PLIN3: variants seen among roughly 807,000 people sequenced by gnomAD.
The protein encoded by PLIN3 is perilipin-3.
PLIN3 carries 30 observed loss-of-function variants against 35.9 expected under a neutral mutation model. That is an observed-to-expected ratio of 0.84 (90% CI 0.62 to 1.13). The LOEUF (loss-of-function observed/expected upper bound fraction) is 1.13. Among genes scored for constraint, PLIN3 ranks in the 50% most tolerant of loss-of-function variants. The probability of loss-of-function intolerance (pLI) is 0.00; values close to 1 mark genes in which losing one functional copy is unlikely to be tolerated. For missense variants in PLIN3, 603 were observed against 596.9 expected, an observed-to-expected ratio of 1.01 and a Z score of -0.11; for synonymous variants, 261 against 262.5, an observed-to-expected ratio of 0.99 and a Z score of 0.06.
chr19:4,847,042 A>T (rs932611522), intron 6 of PLIN3, among the ~76,000 whole-genome samples: 1 of 151,836 alleles, frequency 6.6e-6, no homozygotes, highest in African/African-American at 2.4e-5. Context: ...GGTGCCTGCC[A>T]TTGTACCTGG....
intron 7 of PLIN3, among the ~76,000 whole-genome samples, chr19:4,843,117 G>A (rs2029955258): frequency 6.6e-6 from 1 of 152,056 alleles, no homozygotes. Flanking sequence ...ATCTACTGGG[G>A]AGGTGGAGAC....
chr19:4,841,621 C>T (rs2029893482), intron 7 of PLIN3, among the ~76,000 whole-genome samples: 1 of 142,804 alleles, frequency 7.0e-6, no homozygotes, highest in Non-Finnish European at 1.5e-5. Context: ...AAAAAAAAGG[C>T]TGGGTGCGGT....
chr19:4,845,490 G>C (rs1229134771), intron 6 of PLIN3, among the ~76,000 whole-genome samples: 5 of 152,104 alleles, frequency 3.3e-5, no homozygotes, highest in African/African-American at 1.2e-4. Context: ...GCCTTCCAAA[G>C]GAACGAAGCA....
intron 2 of PLIN3, among the ~76,000 whole-genome samples, chr19:4,860,603 T>C (rs1250134043): frequency 6.6e-6 from 1 of 152,156 alleles, no homozygotes; most frequent in Non-Finnish European, 1.5e-5. Context: ...CTCATGGCAG[T>C]TAGGGTCTAA....
chr19:4,851,969 A>C, intron 5 of PLIN3, 47 bp downstream of exon 5: 1 of 1,578,208 alleles, frequency 6.3e-7, no homozygotes, highest in Non-Finnish European at 8.6e-7. Context: ...GCTTCCGGTC[A>C]GGGGGCCTGG....
Position 4,860,038 on chromosome 19 carries a change from G to A in PLIN3, c.67-14C>T, listed in dbSNP as rs377019996. On this transcript the variant is annotated splice_polypyrimidine_tract_variant and intron_variant, in intron 2 of 7. Coordinates refer to ENST00000221957, the MANE Select transcript of PLIN3 (RefSeq NM_005817.5). ...CACCACACTGGGCTACAGGAGAGAA[G>A]TGGCTCAGGCAAACTGGGTGGGGGA... is the stretch of plus-strand genomic sequence containing the variant. 1 of 1,613,442 alleles carries A rather than the reference G, an allele frequency of 6.2e-7. No individual in the cohort carries two copies. The highest frequency in any genetic ancestry group is 1.3e-5 in the African/African-American group (1 of 74,914).
chr19:4,864,641 T>C (rs1234914219), intron 1 of PLIN3, among the ~76,000 whole-genome samples: 1 of 151,754 alleles, frequency 6.6e-6, no homozygotes, highest in Non-Finnish European at 1.5e-5. Flanking sequence ...TTTTAAAAAG[T>C]GAGATAACAT....
At chr19:4,861,545 A>C (rs553677178) in intron 1 of PLIN3, 134 bp from the exon 2 acceptor site, 221 of 625,772 alleles carry the variant, frequency 3.5e-4, no homozygotes, top group Admixed American at 6.3e-4. Context: ...AGTCCTTAGC[A>C]GGCACAAGAG....
intron 5 of PLIN3, among the ~76,000 whole-genome samples, chr19:4,848,136 A>G (rs777637268): frequency 6.6e-6 from 1 of 152,114 alleles, no homozygotes; most frequent in African/African-American, 2.4e-5. Flanking sequence ...GGCGCCCGCC[A>G]CCATGCCCAG....
chr19:4,844,924 G>C, intron 6 of PLIN3, 131 bp from the exon 7 acceptor site: 2 of 1,084,318 alleles, frequency 1.8e-6, no homozygotes, highest in Non-Finnish European at 2.6e-6. Flanking sequence ...GAGGGAGGGA[G>C]GAAGGGTTTC....
intron 6 of PLIN3, among the ~76,000 whole-genome samples, chr19:4,845,768 CA>C (rs2036039863): frequency 1.5e-5 from 2 of 136,738 alleles, no homozygotes; most frequent in African/African-American, 2.7e-5. Context: ...ACTAAAAATA[CA>C]AAAAATTAGC....
intron 1 of PLIN3, among the ~76,000 whole-genome samples, chr19:4,862,524 G>A (rs1037272305): frequency 2.0e-5 from 3 of 152,036 alleles, no homozygotes; most frequent in Non-Finnish European, 4.4e-5. Flanking sequence ...GGGATTACAG[G>A]AGTGAGCCAC....
At chr19:4,857,967 A>G (rs1412817012) in intron 4 of PLIN3, among the ~76,000 whole-genome samples, 1 of 136,978 alleles carries the variant, frequency 7.3e-6, no homozygotes, top group Non-Finnish European at 1.6e-5. Context: ...CAAGAGCGAA[A>G]CTCCATCTTA....
intron 2 of PLIN3, among the ~76,000 whole-genome samples, chr19:4,860,944 C>G (rs1599175118): frequency 6.6e-6 from 1 of 152,166 alleles, no homozygotes; most frequent in Non-Finnish European, 1.5e-5. Context: ...GCACTCCAGG[C>G]TGGGCGACAC....
chr19:4,847,882 C>T lies in PLIN3; in HGVS notation c.643G>A (p.Ala215Thr), dbSNP rs146856306. ...PLTDAELARI[A>T]TSLDGFDVAS... ...ACGTCAAAGCCATCCAGGGATGTGG[C>T]GATGCGGGCTGCAAGGAAAAGGAGA... is the stretch of plus-strand genomic sequence containing the variant. The change falls in exon 6 of 8, where the codon GCC (alanine) becomes ACC (threonine). Residue 215 changes from alanine to threonine, a missense_variant. Physicochemically the swap from Ala to Thr is moderately conservative, Grantham distance 58. Coordinates refer to ENST00000221957, the MANE Select transcript of PLIN3 (RefSeq NM_005817.5). The T allele has an allele frequency of 1.7e-4, 270 of 1,613,148 alleles. No homozygotes were observed. The highest frequency in any genetic ancestry group is 2.1e-4 in the Non-Finnish European group (253 of 1,179,576).
chr19:4,857,670 C>T (rs1230114660), intron 4 of PLIN3, among the ~76,000 whole-genome samples: 1 of 151,956 alleles, frequency 6.6e-6, no homozygotes, highest in Non-Finnish European at 1.5e-5. Context: ...CATTGCCATT[C>T]TGTAGAAAAG....
chr19:4,844,584 A>C, intron 7 of PLIN3, 84 bp downstream of exon 7: 1 of 1,372,068 alleles, frequency 7.3e-7, no homozygotes, highest in South Asian at 1.5e-5. Flanking sequence ...CATTCGAAGC[A>C]GGTAGGCCCA....
At chr19:4,848,427 G>A (rs1276940781) in intron 5 of PLIN3, among the ~76,000 whole-genome samples, 2 of 152,244 alleles carry the variant, frequency 1.3e-5, no homozygotes, top group African/African-American at 4.8e-5. Flanking sequence ...TAGACTAGCA[G>A]GAGGGTCTCA....
chr19:4,839,480 G>A lies in PLIN3; in HGVS notation c.1017C>T (p.Ala339=), dbSNP rs748449609. Residue 339 remains alanine, a synonymous_variant, in exon 8 of 8, where the codon GCC becomes GCT. Coordinates refer to ENST00000221957, the MANE Select transcript of PLIN3 (RefSeq NM_005817.5). ...MFRDIAQQLQ[A]TCTSLGSSIQ... ...TGCTGGACCCCAGGGAGGTACAGGTGGCCTGCAGTTGCTGGGCAATGTCCC... is the reference window on the plus strand; with the variant it reads ...TGCTGGACCCCAGGGAGGTACAGGTAGCCTGCAGTTGCTGGGCAATGTCCC... 2 of 1,555,538 alleles carry A rather than the reference G, an allele frequency of 1.3e-6. No individual in the cohort carries two copies. Among genetic ancestry groups the A allele is most frequent in the Admixed American group, 1.9e-5 (1 of 53,964 alleles).
Sources: gnomAD v4.1 joint callset for allele counts (sites outside exome capture counted in the v4.1 genomes callset) on GRCh38, gnomAD v4.1.1 for gene constraint, MANE v1.5 for transcripts, NCBI Gene and HGNC (gene_info 2026-07-23, HGNC 2026-07-21) for gene names.